The following ROBO1 variants were observed in gnomAD, a reference collection of about 807,000 sequenced individuals.
The protein encoded by ROBO1 is roundabout homolog 1.
A neutral mutation model predicts 195.9 loss-of-function variants in ROBO1; 149 were observed. The ratio of observed to expected loss-of-function variants is 0.76; its 90% CI spans 0.67 to 0.87. The LOEUF is 0.87. ROBO1 is among the 40% of genes least tolerant of loss of function. The probability of loss-of-function intolerance (pLI) is 0.00; values close to 1 mark genes in which losing one functional copy is unlikely to be tolerated. For missense variants in ROBO1, 1,933 were observed against 2,068.3 expected, an observed-to-expected ratio of 0.93 and a Z score of 1.27; for synonymous variants, 816 against 733.2, an observed-to-expected ratio of 1.11 and a Z score of -1.82.
At chr3:79,194,389 G>T (rs939729046) in intron 2 of ROBO1, among the ~76,000 whole-genome samples, 1 of 151,728 alleles carries the variant, frequency 6.6e-6, no homozygotes, top group Non-Finnish European at 1.5e-5. Context: ...GGTGGTGAAA[G>T]TTACATTGTG....
At chr3:79,125,390 G>A (rs2080196164) in intron 3 of ROBO1, 66 bp downstream of exon 3, 1 of 1,251,350 alleles carries the variant, frequency 8.0e-7, no homozygotes, top group Non-Finnish European at 1.2e-6. Flanking sequence ...TATACAGGTG[G>A]TTGATGGTTG....
chr3:79,493,847 A>T (rs1042330063), intron 2 of ROBO1, among the ~76,000 whole-genome samples: 1 of 152,164 alleles, frequency 6.6e-6, no homozygotes, highest in African/African-American at 2.4e-5. Flanking sequence ...TTTTGTTAGA[A>T]ACATTCCAGT....
intron 1 of ROBO1, among the ~76,000 whole-genome samples, chr3:79,603,105 G>C (rs1944385225): frequency 6.6e-6 from 1 of 151,826 alleles, no homozygotes; most frequent in South Asian, 2.1e-4. Context: ...GTAGTTTAAG[G>C]CCTAAAATTA....
intron 2 of ROBO1, among the ~76,000 whole-genome samples, chr3:79,426,042 T>C (rs992635707): frequency 6.6e-6 from 1 of 152,198 alleles, no homozygotes; most frequent in Non-Finnish European, 1.5e-5. Flanking sequence ...CTTGCATTTT[T>C]TTAGTATCCA....
At chr3:79,597,270 G>A (rs1407750517) in intron 1 of ROBO1, among the ~76,000 whole-genome samples, 3 of 151,936 alleles carry the variant, frequency 2.0e-5, no homozygotes, top group Admixed American at 1.3e-4. Context: ...AGTGCATTTC[G>A]TGCTTTTCAC....
At chr3:78,791,745 C>T (rs571852182) in intron 4 of ROBO1, among the ~76,000 whole-genome samples, 112 of 152,294 alleles carry the variant, frequency 7.4e-4, no homozygotes, top group African/African-American at 2.6e-3. Flanking sequence ...ATAGAAGGAG[C>T]CCTACCTTTC....
chr3:78,651,750 A>G lies in ROBO1; in HGVS notation c.2794T>C (p.Tyr932His). 2 of 1,609,530 alleles carry G rather than the reference A, an allele frequency of 1.2e-6. No homozygotes were observed. The highest frequency in any genetic ancestry group is 2.2e-5 in the East Asian group (1 of 44,650). ...CTAATACCTTTTCTGATACCCGCGT[A>G]GGTACTAGTAAGTCCGTTTCTCTTC... The part of the protein sequence containing the change: ...RKKRNGLTST[Y>H]AGIRKVPSFT... The change falls in exon 19 of 31, where the codon TAC (tyrosine) becomes CAC (histidine). Residue 932 changes from tyrosine (Y) to histidine (H), a missense_variant. By Grantham distance (83) the Tyr-to-His change is moderately conservative. Coordinates refer to ENST00000464233, the MANE Select transcript of ROBO1 (RefSeq NM_002941.4).
chr3:78,987,531 G>C (rs2077138241), intron 3 of ROBO1, among the ~76,000 whole-genome samples: 1 of 152,016 alleles, frequency 6.6e-6, no homozygotes, highest in Non-Finnish European at 1.5e-5. Context: ...AAGTGAGGAG[G>C]GATACTGTTA....
At chr3:78,903,220 C>CT (rs1333755548) in intron 4 of ROBO1, among the ~76,000 whole-genome samples, 8 of 151,756 alleles carry the variant, frequency 5.3e-5, no homozygotes, top group Admixed American at 5.3e-4. Context: ...ATTTTTAATC[C>CT]TTTTTTGCAA....
chr3:79,659,620 AAC>A (rs1491369381), intron 1 of ROBO1, among the ~76,000 whole-genome samples: 10 of 146,250 alleles, frequency 6.8e-5, no homozygotes, highest in East Asian at 2.0e-4. Flanking sequence ...AGAAAAAAAA[AAC>A]ACAATATTTT....
chr3:78,670,096 C>G lies in ROBO1; in HGVS notation c.1548G>C (p.Lys516Asn). Residue 516 changes from lysine (K) to asparagine (N), a missense_variant and splice_region_variant, in exon 11 of 31, where the codon AAG becomes AAC. Physicochemically the swap from Lys to Asn is moderately conservative, Grantham distance 94. Around this residue, in one of 3 missense-constraint regions of ROBO1, gnomAD observed 1,737 missense variants for 1,882.5 expected, o/e 0.92. Coordinates refer to ENST00000464233, the MANE Select transcript of ROBO1 (RefSeq NM_002941.4). ...AACGCAAGGTGCCATTCCAAGTTAC[C>G]TTAGCATATCGGATCTGCAGTACTC... The part of the protein sequence containing the change: ...ENGVLQIRYA[K>N]LGDTGRYTCI... 6.3e-7 allele frequency: 1 copy of G among 1,592,808 alleles called. No homozygotes were observed. Among genetic ancestry groups the G allele is most frequent in the South Asian group, 1.1e-5 (1 of 89,644 alleles).
At chr3:79,500,410 G>A (rs940407018) in intron 2 of ROBO1, among the ~76,000 whole-genome samples, 10 of 152,318 alleles carry the variant, frequency 6.6e-5, no homozygotes, top group Non-Finnish European at 1.3e-4. Flanking sequence ...GATAACAGGC[G>A]TGAGCCACCG....
At chr3:79,441,513 G>A (rs568619896) in intron 2 of ROBO1, among the ~76,000 whole-genome samples, 1 of 152,154 alleles carries the variant, frequency 6.6e-6, no homozygotes, top group South Asian at 2.1e-4. Flanking sequence ...TGTTCCATTG[G>A]CTAGAACATG....
intron 2 of ROBO1, among the ~76,000 whole-genome samples, chr3:79,357,065 C>G (rs2035585990): frequency 6.6e-6 from 1 of 152,166 alleles, no homozygotes; most frequent in African/African-American, 2.4e-5. Context: ...TTACATTTAT[C>G]TTTATTTCTG....
chr3:79,066,253 G>A (rs993409648), intron 3 of ROBO1, among the ~76,000 whole-genome samples: 47 of 151,792 alleles, frequency 3.1e-4, no homozygotes, highest in Admixed American at 2.3e-3. Context: ...AGCCAAAATC[G>A]AGGTTATTTT....
At chr3:79,262,371 G>C (rs1025759239) in intron 2 of ROBO1, among the ~76,000 whole-genome samples, 18 of 152,076 alleles carry the variant, frequency 1.2e-4, no homozygotes, top group African/African-American at 4.3e-4. Context: ...TATTTTGGTA[G>C]ATAACTTTAA....
intron 2 of ROBO1, among the ~76,000 whole-genome samples, chr3:79,211,635 C>T (rs985749588): frequency 2.6e-5 from 4 of 152,070 alleles, no homozygotes; most frequent in Admixed American, 2.0e-4. Context: ...GGGGGATGGA[C>T]GTGTCAGGTA....
rs150291683 is a variant in ROBO1, at chr3:79,385,412, T to G, written c.88+204412A>C. Among the ~76,000 whole-genome samples the G allele has an allele frequency of 6.6e-5, 10 of 152,234 alleles. No homozygotes were observed. In the East Asian group the frequency reaches 1.9e-3, roughly 29 times the overall value. On this transcript the variant is annotated intron_variant, in intron 2 of 30. Coordinates refer to ENST00000464233, the MANE Select transcript of ROBO1 (RefSeq NM_002941.4). Reference sequence around the variant, plus strand: ...AGCTGAAGAGTATGGTGTGGTATGTTGGTGAAGATAAACTCTTGCTAAACA... The same window carrying G: ...AGCTGAAGAGTATGGTGTGGTATGTGGGTGAAGATAAACTCTTGCTAAACA...
intron 1 of ROBO1, among the ~76,000 whole-genome samples, chr3:79,680,759 A>G (rs563850244): frequency 6.6e-6 from 1 of 152,184 alleles, no homozygotes; most frequent in Admixed American, 6.6e-5. Context: ...GACATAGCAT[A>G]GAAAACAACC....
Sources: allele counts gnomAD v4.1 joint callset (sites outside exome capture counted in the v4.1 genomes callset), GRCh38; gene constraint gnomAD v4.1.1; regional missense constraint gnomAD v4.1.1; transcripts MANE v1.5; gene names NCBI Gene and HGNC (gene_info 2026-07-23, HGNC 2026-07-21).